Variants in CTNNA3 observed in about 807,000 individuals in gnomAD.
CTNNA3 encodes catenin alpha 3.
Under a neutral mutation model 95.7 loss-of-function variants are expected in CTNNA3, and 76 were observed. That is an observed-to-expected ratio of 0.79 (90% CI 0.66 to 0.96). The LOEUF is 0.96. Ranked by LOEUF, CTNNA3 falls within the 40% of genes least tolerant of loss-of-function variation. CTNNA3 has a pLI of 0.00. For missense variants in CTNNA3, 1,191 were observed against 1,089.8 expected, an observed-to-expected ratio of 1.09 and a Z score of -1.31; for synonymous variants, 431 against 374.4, an observed-to-expected ratio of 1.15 and a Z score of -1.74.
At position 66,976,670 on chromosome 10, in the gene CTNNA3, G is replaced by A. The variant is rs1331357772; in HGVS notation, c.1048-201146C>T. Among the ~76,000 whole-genome samples the A allele has an allele frequency of 2.0e-5, 3 of 151,982 alleles. No homozygotes were observed. In the East Asian group the frequency reaches 5.8e-4, roughly 29 times the overall value. On this transcript the variant is annotated intron_variant, in intron 7 of 17. Coordinates refer to ENST00000433211, the MANE Select transcript of CTNNA3 (RefSeq NM_013266.4). The stretch of plus-strand genomic sequence containing the variant: ...CTTACTTTTCCAATCTTATTTTCAT[G>A]ACTTTTCTGCCACACTGATCTATTT...
At chr10:65,935,768 T>C (rs2077327616) in intron 17 of CTNNA3, among the ~76,000 whole-genome samples, 1 of 152,184 alleles carries the variant, frequency 6.6e-6, no homozygotes, top group Admixed American at 6.6e-5. Flanking sequence ...GATAATATTT[T>C]ATGTTTTTAT....
chr10:67,593,114 C>T (rs1398999825), intron 3 of CTNNA3, among the ~76,000 whole-genome samples: 2 of 152,154 alleles, frequency 1.3e-5, no homozygotes, highest in African/African-American at 4.8e-5. Flanking sequence ...ATAATGGCCT[C>T]CAGTTGCATC....
chr10:67,761,875 CAAA>C (rs56264829), intron 1 of CTNNA3, among the ~76,000 whole-genome samples: 5 of 132,584 alleles, frequency 3.8e-5, no homozygotes, highest in Non-Finnish European at 3.3e-5. Context: ...AAGACTCCGT[CAAA>C]AAAAAAAAAA....
chr10:67,289,759 A>ATGGATGGATGG (rs1554818584), intron 5 of CTNNA3, among the ~76,000 whole-genome samples: 4 of 145,846 alleles, frequency 2.7e-5, no homozygotes, highest in African/African-American at 8.3e-5. Context: ...AGGATGGATG[A>ATGGATGGATGG]ATGGATGGAT....
chr10:67,089,287 A>C (rs1292071751), intron 7 of CTNNA3, among the ~76,000 whole-genome samples: 1 of 152,098 alleles, frequency 6.6e-6, no homozygotes, highest in Non-Finnish European at 1.5e-5. Context: ...AAGAATTATA[A>C]AGGTTATTTT....
At chr10:65,973,983 T>C (rs2078160864) in intron 16 of CTNNA3, among the ~76,000 whole-genome samples, 1 of 152,040 alleles carries the variant, frequency 6.6e-6, no homozygotes, top group Non-Finnish European at 1.5e-5. Context: ...CCAACCAATG[T>C]GAAAAAATGC....
At chr10:66,826,888 A>G (rs138073358) in intron 7 of CTNNA3, among the ~76,000 whole-genome samples, 1 of 152,142 alleles carries the variant, frequency 6.6e-6, no homozygotes, top group African/African-American at 2.4e-5. Context: ...CCCTTCAACC[A>G]CTTTCCAATT....
intron 5 of CTNNA3, among the ~76,000 whole-genome samples, chr10:67,352,450 T>G (rs748734017): frequency 1.4e-4 from 21 of 151,726 alleles, no homozygotes; most frequent in Non-Finnish European, 2.9e-4. Flanking sequence ...TAATCTAAAG[T>G]CTCCCTTTCC....
At chr10:66,522,132 G>T (rs2132024897) in intron 10 of CTNNA3, among the ~76,000 whole-genome samples, 1 of 152,196 alleles carries the variant, frequency 6.6e-6, no homozygotes, top group South Asian at 2.1e-4. Flanking sequence ...TGGATGGGCT[G>T]CTTCTGTGAG....
At chr10:67,386,699 T>C (rs1011057197) in intron 5 of CTNNA3, among the ~76,000 whole-genome samples, 3 of 152,194 alleles carry the variant, frequency 2.0e-5, no homozygotes, top group Non-Finnish European at 4.4e-5. Context: ...GTTTTAAGAA[T>C]AGTGCCAGAA....
At chr10:66,133,375 C>T (rs990362659) in intron 13 of CTNNA3, among the ~76,000 whole-genome samples, 2 of 151,740 alleles carry the variant, frequency 1.3e-5, no homozygotes, top group Admixed American at 6.6e-5. Flanking sequence ...ATTAGCCAGG[C>T]GTGGTGGCAG....
At chr10:66,788,471 G>A (rs544315567) in intron 7 of CTNNA3, among the ~76,000 whole-genome samples, 6 of 152,288 alleles carry the variant, frequency 3.9e-5, no homozygotes, top group Admixed American at 2.6e-4. Flanking sequence ...GGAATGGCCT[G>A]TAAACATCAA....
intron 13 of CTNNA3, among the ~76,000 whole-genome samples, chr10:66,160,647 T>A (rs1404639210): frequency 6.6e-6 from 1 of 152,084 alleles, no homozygotes; most frequent in African/African-American, 2.4e-5. Flanking sequence ...GAATAAAATG[T>A]GTATTCTGTG....
At chr10:67,183,304 T>G (rs1392927131) in intron 6 of CTNNA3, among the ~76,000 whole-genome samples, 8 of 152,088 alleles carry the variant, frequency 5.3e-5, no homozygotes, top group Non-Finnish European at 8.8e-5. Flanking sequence ...GTCCAACAAT[T>G]GTAGACTGGA....
rs545981106 is a variant in CTNNA3, at chr10:66,517,383, C to T, written c.1531+3234G>A. Among the ~76,000 whole-genome samples the T allele has an allele frequency of 3.9e-5, 6 of 152,028 alleles. No homozygotes were observed. The South Asian group carries it at 8.3e-4, about 21-fold the overall frequency. On this transcript the variant is annotated intron_variant, in intron 11 of 17. Coordinates refer to ENST00000433211, the MANE Select transcript of CTNNA3 (RefSeq NM_013266.4). ...TAAGTCACAGGATGAGATAGGAGGT[C>T]GGCACAAGATATAGGTCATAAAGAC...
At chr10:67,432,121 G>T (rs1011389458) in intron 5 of CTNNA3, among the ~76,000 whole-genome samples, 5 of 151,854 alleles carry the variant, frequency 3.3e-5, no homozygotes, top group Non-Finnish European at 5.9e-5. Flanking sequence ...AATTTATATC[G>T]CTAAATGCCT....
At chr10:66,060,556 C>G (rs1490792554) in intron 15 of CTNNA3, among the ~76,000 whole-genome samples, 1 of 151,892 alleles carries the variant, frequency 6.6e-6, no homozygotes, top group East Asian at 1.9e-4. Flanking sequence ...AATGACATAG[C>G]CAATCGGAGA....
At chr10:67,041,411 T>A (rs550606946) in intron 7 of CTNNA3, among the ~76,000 whole-genome samples, 15 of 152,234 alleles carry the variant, frequency 9.9e-5, no homozygotes, top group African/African-American at 3.1e-4. Flanking sequence ...TTCATTAGTA[T>A]TAACTGTATA....
chr10:66,182,256 C>CTTT (rs570667950), intron 13 of CTNNA3, among the ~76,000 whole-genome samples: 19 of 134,548 alleles, frequency 1.4e-4, no homozygotes, highest in African/African-American at 3.0e-4. Flanking sequence ...GGATACATTT[C>CTTT]TTTTTTTTTT....
Sources: gnomAD v4.1 joint callset for allele counts (sites outside exome capture counted in the v4.1 genomes callset) on GRCh38, gnomAD v4.1.1 for gene constraint, MANE v1.5 for transcripts, NCBI Gene and HGNC (gene_info 2026-07-23, HGNC 2026-07-21) for gene names.